The following HOOK3 variants were observed in gnomAD, a reference collection of about 807,000 sequenced individuals.
HOOK3 encodes the protein hook microtubule tethering protein 3, also known as protein Hook homolog 3.
Under a neutral mutation model 116.3 loss-of-function variants are expected in HOOK3, and 24 were observed. That is an observed-to-expected ratio of 0.21 (90% CI 0.15 to 0.29). HOOK3 has a LOEUF of 0.29. Among genes scored for constraint, HOOK3 ranks in the 10% least tolerant of loss-of-function variants. The pLI is 1.00. For synonymous variants in HOOK3, 275 were observed against 283.0 expected, an observed-to-expected ratio of 0.97 and a Z score of 0.28; for missense variants, 632 against 830.2, an observed-to-expected ratio of 0.76 and a Z score of 2.93.
At chr8:42,981,536 T>G (rs1462285297) in intron 13 of HOOK3, among the ~76,000 whole-genome samples, 3 of 152,174 alleles carry the variant, frequency 2.0e-5, no homozygotes, top group Admixed American at 2.0e-4. Context: ...AGTGTGAAAG[T>G]TCAGCAATAC....
intron 9 of HOOK3, among the ~76,000 whole-genome samples, chr8:42,965,673 T>C (rs1808620454): frequency 6.6e-6 from 1 of 152,248 alleles, no homozygotes; most frequent in Admixed American, 6.5e-5. Context: ...ATTAGATTTT[T>C]ACTTTACTGA....
chr8:42,997,071 C>A (rs1809292731), intron 15 of HOOK3, among the ~76,000 whole-genome samples: 1 of 151,942 alleles, frequency 6.6e-6, no homozygotes, highest in African/African-American at 2.4e-5. Context: ...CCATGCCTGG[C>A]TAATTTTTCT....
chr8:42,982,219 C>T (rs896994184), intron 13 of HOOK3, among the ~76,000 whole-genome samples: 1 of 137,428 alleles, frequency 7.3e-6, no homozygotes, highest in Non-Finnish European at 1.5e-5. Flanking sequence ...CGTGCCATTG[C>T]ATTCCAGCCT....
At chr8:42,923,291 C>G (rs899531710) in intron 2 of HOOK3, among the ~76,000 whole-genome samples, 2 of 152,188 alleles carry the variant, frequency 1.3e-5, no homozygotes, top group Non-Finnish European at 2.9e-5. Flanking sequence ...TTGGCCTTGC[C>G]TCACATGACC....
chr8:42,997,852 C>A (rs1809309451), intron 16 of HOOK3: 1 of 437,716 alleles, frequency 2.3e-6, no homozygotes, highest in Non-Finnish European at 4.2e-6. Context: ...ATTAGAAGTT[C>A]ATTTCTAGTT....
At chr8:42,940,906 C>T (rs1808102673) in intron 4 of HOOK3, among the ~76,000 whole-genome samples, 1 of 151,942 alleles carries the variant, frequency 6.6e-6, no homozygotes, top group Admixed American at 6.5e-5. Flanking sequence ...TAAGTTTGGT[C>T]TTTTCATTTT....
intron 15 of HOOK3, among the ~76,000 whole-genome samples, chr8:42,995,382 C>G (rs1012349443): frequency 1.3e-5 from 2 of 152,136 alleles, no homozygotes; most frequent in Non-Finnish European, 2.9e-5. Flanking sequence ...TTTATCTTTC[C>G]TCACCTTTCT....
intron 6 of HOOK3, among the ~76,000 whole-genome samples, chr8:42,955,519 G>A (rs547644759): frequency 1.4e-4 from 21 of 152,298 alleles, no homozygotes; most frequent in African/African-American, 4.8e-4. Context: ...ATGAAATCTA[G>A]AGAAAATAAT....
At chr8:42,941,450 A>C (rs1400868422) in intron 4 of HOOK3, among the ~76,000 whole-genome samples, 1 of 146,498 alleles carries the variant, frequency 6.8e-6, no homozygotes, top group Non-Finnish European at 1.5e-5. Context: ...CCCGGGAGGC[A>C]GAGGTTGCAG....
chr8:43,006,317 G>A (rs985340804), intron 17 of HOOK3, among the ~76,000 whole-genome samples: 2 of 145,340 alleles, frequency 1.4e-5, no homozygotes, highest in African/African-American at 2.6e-5. Context: ...ACTGCGCCCA[G>A]CCTATTTATT....
Position 43,013,386 on chromosome 8 carries a change from G to T in HOOK3, c.2002G>T (p.Ala668Ser). Residue 668 changes from alanine to serine, a missense_variant, in exon 21 of 22, where the codon GCC becomes TCC. Transcript: ENST00000307602. ...GATGGAAGAGAAATATATTGTTAGT[G>T]CCTGGTACAATATGGTAAGAAAATA... ...REMEEKYIVS[A>S]WYNMGMTLHK... The T allele has an allele frequency of 6.3e-7, 1 of 1,583,250 alleles. No individual in the cohort carries two copies. Among genetic ancestry groups the T allele is most frequent in the Non-Finnish European group, 8.6e-7 (1 of 1,168,402 alleles).
At chr8:42,911,462 A>G (rs898371004) in intron 2 of HOOK3, among the ~76,000 whole-genome samples, 5 of 152,160 alleles carry the variant, frequency 3.3e-5, no homozygotes, top group Non-Finnish European at 4.4e-5. Flanking sequence ...AAAAAAAGAC[A>G]TAATCTAAGG....
chr8:42,991,284 G>A (rs1227308837), intron 15 of HOOK3, among the ~76,000 whole-genome samples: 3 of 151,802 alleles, frequency 2.0e-5, no homozygotes, highest in Non-Finnish European at 2.9e-5. Context: ...GTATTCTGTG[G>A]TTCCATATAA....
At chr8:42,908,994 A>G (rs1056420386) in intron 2 of HOOK3, among the ~76,000 whole-genome samples, 9 of 152,242 alleles carry the variant, frequency 5.9e-5, no homozygotes, top group African/African-American at 2.2e-4. Context: ...TTAAAAAAGC[A>G]TGAAGGACTT....
At chr8:42,943,967 T>A (rs1297060595) in intron 5 of HOOK3, among the ~76,000 whole-genome samples, 1 of 152,216 alleles carries the variant, frequency 6.6e-6, no homozygotes, top group African/African-American at 2.4e-5. Context: ...TGAATTGGGT[T>A]TCCTACCCCA....
At chr8:42,909,443 A>G (rs954793231) in intron 2 of HOOK3, among the ~76,000 whole-genome samples, 2 of 152,228 alleles carry the variant, frequency 1.3e-5, no homozygotes, top group African/African-American at 2.4e-5. Flanking sequence ...GTATATGTAC[A>G]CAATGAAATA....
At chr8:42,904,974 C>G (rs533585204) in intron 1 of HOOK3, among the ~76,000 whole-genome samples, 2 of 152,132 alleles carry the variant, frequency 1.3e-5, no homozygotes, top group Admixed American at 1.3e-4. Flanking sequence ...CGTCTAAATC[C>G]TGAGTACACT....
rs1280820621 is a variant in HOOK3, at chr8:43,025,395, G to A, written c.*6897G>A. 2 of 213,624 alleles carry A rather than the reference G, an allele frequency of 9.4e-6. No individual in the cohort carries two copies. The highest frequency in any genetic ancestry group is 1.4e-4 in the East Asian group (2 of 14,234). The allele number at this position is 213,624 out of a possible 1,614,324, so 13.2% of individuals were successfully genotyped here. On this transcript the variant is annotated 3_prime_UTR_variant, in exon 22 of 22. Transcript: ENST00000307602. ...GAGTGGATCATTGGGATAAGAAATA[G>A]CCTAATTATAAACAAATATGCAGGC...
chr8:43,002,076 G>C, intron 16 of HOOK3, 31 bp from the exon 17 acceptor site: 1 of 1,366,950 alleles, frequency 7.3e-7, no homozygotes, highest in Non-Finnish European at 1.0e-6. Context: ...AAAATGTGAG[G>C]TAATAAACTA....
Sources: gnomAD v4.1 joint callset for allele counts (sites outside exome capture counted in the v4.1 genomes callset) on GRCh38, gnomAD v4.1.1 for gene constraint, MANE v1.5 for transcripts, NCBI Gene and HGNC (gene_info 2026-07-23, HGNC 2026-07-21) for gene names.